Variants in DMD observed in about 807,000 individuals in gnomAD.
The protein encoded by DMD is mutant dystrophin.
Under a neutral mutation model 330.1 loss-of-function variants are expected in DMD, and 63 were observed. The ratio of observed to expected loss-of-function variants is 0.19; its 90% CI spans 0.16 to 0.24. The LOEUF (loss-of-function observed/expected upper bound fraction) is 0.24. Ranked by LOEUF, DMD falls within the 10% of genes least tolerant of loss-of-function variation. The pLI is 1.00. For missense variants in DMD, 3,344 were observed against 2,684.1 expected, an observed-to-expected ratio of 1.25 and a Z score of -5.43; for synonymous variants, 1,223 against 959.8, an observed-to-expected ratio of 1.27 and a Z score of -5.07.
intron 37 of DMD, among the ~76,000 whole-genome samples, chrX:32,352,072 G>C (rs1362640644): frequency 9.0e-6 from 1 of 110,764 alleles, no homozygotes; most frequent in Non-Finnish European, 1.9e-5. Context: ...AAATCAGTGG[G>C]CAAAAATTAT....
intron 2 of DMD, among the ~76,000 whole-genome samples, chrX:33,005,421 G>A (rs184740829): frequency 3.6e-4 from 39 of 108,483 alleles, no homozygotes; most frequent in African/African-American, 1.3e-3. Context: ...TAAACCAAAA[G>A]CTAAGATCAC....
At chrX:32,881,289 C>T (rs1452130422) in intron 2 of DMD, among the ~76,000 whole-genome samples, 1 of 112,624 alleles carries the variant, frequency 8.9e-6, no homozygotes, top group Non-Finnish European at 1.9e-5. Context: ...TATTTTAAAT[C>T]TAACATTCCA....
intron 43 of DMD, among the ~76,000 whole-genome samples, chrX:32,238,444 TGAGAGAGA>T (rs200601285): frequency 0.11 from 10,587 of 98,800 alleles, 551 homozygotes; most frequent in Admixed American, 0.15. Flanking sequence ...AAGCAATGCA[TGAGAGAGA>T]GAGAGAGAGA....
At chrX:31,898,211 T>G (rs1385201205) in intron 47 of DMD, among the ~76,000 whole-genome samples, 1 of 110,347 alleles carries the variant, frequency 9.1e-6, no homozygotes, top group Non-Finnish European at 1.9e-5. Context: ...ATTTACAGAT[T>G]CAATGCCATC....
chrX:31,815,065 G>C (rs1025023154), intron 50 of DMD, among the ~76,000 whole-genome samples: 1 of 112,311 alleles, frequency 8.9e-6, no homozygotes, highest in Non-Finnish European at 1.9e-5. Context: ...CAGCAGAAGG[G>C]ATGAATTTAT....
chrX:33,260,003 T>C (rs763279959), intron 1 of DMD, among the ~76,000 whole-genome samples: 24 of 111,158 alleles, frequency 2.2e-4, no homozygotes, highest in Non-Finnish European at 1.1e-4. Flanking sequence ...ACAAGTTTGG[T>C]CAATTATGAA....
At chrX:32,610,065 C>G (rs2057042081) in intron 12 of DMD, among the ~76,000 whole-genome samples, 1 of 111,198 alleles carries the variant, frequency 9.0e-6, no homozygotes, top group Non-Finnish European at 1.9e-5. Flanking sequence ...AGCATCATGC[C>G]ACTCCTTCGA....
At position 33,283,003 on chromosome X, in the gene DMD, T is replaced by C. The variant is rs1056002671; in HGVS notation, c.7+56256A>G. ...TTGTTTCTAGGTTTTATTGTTCTTC[T>C]TCACTATGAGGAGCAGGGAAAAATC... is the stretch of plus-strand genomic sequence containing the variant. On this transcript the variant is annotated intron_variant, in intron 1 of 17. Coordinates refer to the DMD transcript ENST00000288447. Among the ~76,000 whole-genome samples the C allele has an allele frequency of 5.3e-5, 6 of 112,405 alleles. No individual in the cohort carries two copies. The South Asian group carries it at 2.2e-3, about 42-fold the overall frequency.
chrX:31,931,526 C>T (rs1432509884), intron 46 of DMD, among the ~76,000 whole-genome samples: 4 of 110,517 alleles, frequency 3.6e-5, no homozygotes, highest in Middle Eastern at 4.7e-3. Context: ...AACATTGCTT[C>T]GGGGGAATAT....
chrX:32,658,808 C>T (rs1046461837), intron 9 of DMD, among the ~76,000 whole-genome samples: 4 of 111,516 alleles, frequency 3.6e-5, no homozygotes, highest in African/African-American at 3.3e-5. Context: ...TGGCCGCATT[C>T]GGGAAACTTT....
intron 47 of DMD, among the ~76,000 whole-genome samples, chrX:31,928,708 T>G (rs2094814501): frequency 8.9e-6 from 1 of 111,960 alleles, no homozygotes; most frequent in Non-Finnish European, 1.9e-5. Flanking sequence ...TGACAATTTT[T>G]TATGTTATAT....
At position 31,835,671 on chromosome X, in the gene DMD, T is replaced by C. The variant is rs767699214; in HGVS notation, c.7200+1047A>G. On this transcript the variant is annotated intron_variant, in intron 49 of 78. Transcript: ENST00000357033. ...CAACTCTACCTAAGGAAAAGTCTCT[T>C]GTAAGCTGTAAGGAAAACAAACAAT... Among the ~76,000 whole-genome samples the C allele has an allele frequency of 2.1e-3, 240 of 111,718 alleles. 2 individuals carry two copies. The highest frequency in any genetic ancestry group is 4.9e-3 in the South Asian group (13 of 2,649).
chrX:31,142,267 G>C (rs1482815716), intron 76 of DMD, among the ~76,000 whole-genome samples: 1 of 111,699 alleles, frequency 9.0e-6, no homozygotes, highest in East Asian at 2.8e-4. Context: ...ACGTGTTCAA[G>C]TGTTTAGGGG....
At chrX:33,224,075 G>A (rs1212256939) in intron 1 of DMD, among the ~76,000 whole-genome samples, 3 of 112,270 alleles carry the variant, frequency 2.7e-5, no homozygotes, top group Non-Finnish European at 3.8e-5. Flanking sequence ...TCAGAACAGT[G>A]ACACCACCCA....
intron 53 of DMD, among the ~76,000 whole-genome samples, chrX:31,672,929 A>T (rs2081886918): frequency 8.9e-6 from 1 of 112,462 alleles, no homozygotes; most frequent in African/African-American, 3.2e-5. Context: ...CTGTTATGTT[A>T]AAGAATTGCT....
intron 26 of DMD, among the ~76,000 whole-genome samples, chrX:32,451,056 T>G (rs966074814): frequency 5.4e-5 from 6 of 111,136 alleles, no homozygotes; most frequent in Non-Finnish European, 7.6e-5. Context: ...TCCATGAATC[T>G]AACTATGATA....
At chrX:33,095,520 T>C (rs7876138) in intron 1 of DMD, among the ~76,000 whole-genome samples, 3,531 of 112,147 alleles carry the variant, frequency 0.031, 131 homozygotes, top group African/African-American at 0.11. Flanking sequence ...TTACAGGAAG[T>C]TCACTAATTT....
intron 5 of DMD, among the ~76,000 whole-genome samples, chrX:32,817,575 T>C (rs769326749): frequency 8.9e-6 from 1 of 112,127 alleles, no homozygotes; most frequent in East Asian, 2.8e-4. Flanking sequence ...AAGCCCCTTA[T>C]GAGATGCTGG....
chrX:32,478,666 T>C (rs913192377), intron 21 of DMD, among the ~76,000 whole-genome samples: 1 of 111,804 alleles, frequency 8.9e-6, no homozygotes, highest in African/African-American at 3.2e-5. Context: ...GGGAATTCAA[T>C]CAACATTTTA....
Sources: allele counts gnomAD v4.1 joint callset (sites outside exome capture counted in the v4.1 genomes callset), GRCh38; gene constraint gnomAD v4.1.1; transcripts MANE v1.5; gene names NCBI Gene and HGNC (gene_info 2026-07-23, HGNC 2026-07-21).